KCNAB3: variants seen among roughly 807,000 people sequenced by gnomAD.
KCNAB3 encodes voltage-gated potassium channel subunit beta-3.
A neutral mutation model predicts 67.7 loss-of-function variants in KCNAB3; 62 were observed. That is an observed-to-expected ratio of 0.92 (90% CI 0.75 to 1.13). KCNAB3 has a LOEUF of 1.13. Ranked by LOEUF, KCNAB3 falls within the 50% of genes most tolerant of loss-of-function variation. KCNAB3 has a pLI of 0.00. For synonymous variants in KCNAB3, 212 were observed against 205.4 expected (o/e 1.03, Z -0.27); for missense variants, 514 against 522.9 (o/e 0.98, Z 0.17).
In KCNAB3 at chr17:7,929,303, C is replaced by T; in HGVS notation, c.133G>A (p.Gly45Arg). 6.4e-7 allele frequency: 1 copy of T among 1,567,364 alleles called. No homozygotes were observed. The highest frequency in any genetic ancestry group is 2.4e-5 in the East Asian group (1 of 41,906). ...PAGGGHGNPP[G>R]GGGSGPKARA... Reference sequence around the variant, plus strand: ...GCCTTGGGGCCAGACCCTCCACCCCCCGGAGGATTCCCGTGCCCCCCGCCG... The same window carrying T: ...GCCTTGGGGCCAGACCCTCCACCCCTCGGAGGATTCCCGTGCCCCCCGCCG... Residue 45 changes from glycine (G) to arginine (R), a missense_variant, in exon 1 of 14, where the codon GGG (glycine) becomes AGG (arginine). Gly to Arg is a moderately radical substitution (Grantham distance 125). Transcript: ENST00000303790. This position sits in a 1 kb window ranked among gnomAD's most constrained non-coding sequence, Gnocchi z 5.7.
In KCNAB3 at chr17:7,927,782, C is replaced by G. The variant is rs776051168; in HGVS notation, c.286+1G>C. Reference sequence around the variant, plus strand: ...TTTCCTTAATCCCTATTCTGACTCACCTAGGCCAAGACAGGATACCCGAAG... The same window carrying G: ...TTTCCTTAATCCCTATTCTGACTCAGCTAGGCCAAGACAGGATACCCGAAG... On this transcript the variant is annotated splice_donor_variant, in intron 2 of 13. Transcript: ENST00000303790. LOFTEE classifies it high-confidence loss of function. 1 of 1,614,172 alleles carries G rather than the reference C, an allele frequency of 6.2e-7. No homozygotes were observed. The highest frequency in any genetic ancestry group is 8.5e-7 in the Non-Finnish European group (1 of 1,180,032).
Position 7,923,506 on chromosome 17 carries a change from G to A in KCNAB3, c.1087C>T (p.Leu363=), listed in dbSNP as rs1389107348. Reference sequence around the variant, plus strand: ...AACTGCTCCGCACTCGACACCCCCAGCAAGACAGAGCTGACACCCTCACTG... The same window carrying A: ...AACTGCTCCGCACTCGACACCCCCAACAAGACAGAGCTGACACCCTCACTG... ...LRSEGVSSVL[L]GVSSAEQLIE... is the part of the protein sequence containing the mutation. Residue 363 remains leucine (L), a synonymous_variant, in exon 13 of 14, where the codon CTG becomes TTG. Transcript: ENST00000303790. 1 of 1,612,620 alleles carries A rather than the reference G, an allele frequency of 6.2e-7. No individual in the cohort carries two copies. The highest frequency in any genetic ancestry group is 2.2e-5 in the East Asian group (1 of 44,732).
rs751597153 is a variant in KCNAB3 at position 7,923,478 on chromosome 17, A to G, written c.1115T>C (p.Ile372Thr). ...LLGVSSAEQLIEHLGALQVLS... is the reference protein window; with the variant it reads ...LLGVSSAEQLTEHLGALQVLS... ...CACCTGTAGCGCGCCCAGGTGTTCT[A>G]TCAACTGCTCCGCACTCGACACCCC... is the stretch of plus-strand genomic sequence containing the variant. Residue 372 changes from isoleucine to threonine, a missense_variant, in exon 13 of 14, where the codon ATA (isoleucine) becomes ACA (threonine). Physicochemically the swap from Ile to Thr is moderately conservative, Grantham distance 89. Coordinates refer to ENST00000303790, the MANE Select transcript of KCNAB3 (RefSeq NM_004732.4). 1.9e-6 allele frequency: 3 copies of G among 1,611,966 alleles called. No homozygotes were observed. The highest frequency in any genetic ancestry group is 2.2e-5 in the East Asian group (1 of 44,724).
intron 3 of KCNAB3, 54 bp from the exon 4 acceptor site, chr17:7,927,477 A>G (rs928749119): frequency 1.3e-6 from 2 of 1,563,952 alleles, no homozygotes; most frequent in African/African-American, 2.7e-5. Flanking sequence ...TACCTCCCTC[A>G]CTGTACTCTA....
rs774627044 is a variant in KCNAB3, at chr17:7,926,114, CAT to C, written c.405-13_405-12del. ...AGGGTTCTTTCAGCCCTAAAAGAAA[CAT>C]AAGGCAGAGCCACTGATCCCTTCTA... On this transcript the variant is annotated splice_polypyrimidine_tract_variant and intron_variant, in intron 4 of 13. Transcript: ENST00000303790. 1.2e-6 allele frequency: 2 copies of C among 1,613,980 alleles called. No homozygotes were observed. Among genetic ancestry groups the C allele is most frequent in the Non-Finnish European group, 1.7e-6 (2 of 1,180,002 alleles).
At chr17:7,923,203 G>T in intron 13 of KCNAB3, 24 bp from the exon 14 acceptor site, 1 of 1,608,724 alleles carries the variant, frequency 6.2e-7, no homozygotes, top group Non-Finnish European at 8.5e-7. Flanking sequence ...GGACGGTGGC[G>T]ACGGCAGCCC....
chr17:7,929,804 AAC>A lies in KCNAB3; in HGVS notation c.-371_-370del. Reference sequence around the variant, plus strand: ...GGGAGAGAGATGCCACTTCAGCGCGAACCGCTGCGGGACCCGCTGGGCTCCCA... The same window carrying A: ...GGGAGAGAGATGCCACTTCAGCGCGACGCTGCGGGACCCGCTGGGCTCCCA... On this transcript the variant is annotated 5_prime_UTR_variant, in exon 1 of 14. Coordinates refer to ENST00000303790, the MANE Select transcript of KCNAB3 (RefSeq NM_004732.4). The surrounding 1 kb of genome is among the most constrained non-coding windows in gnomAD (Gnocchi z 5.7). The A allele has an allele frequency of 1.8e-6, 2 of 1,100,890 alleles. No homozygotes were observed. Among genetic ancestry groups the A allele is most frequent in the South Asian group, 2.3e-5 (1 of 42,656 alleles). 68.2% of individuals were successfully genotyped at this position (1,100,890 alleles called of 1,614,324 possible). A position where few individuals can be genotyped will look rare whatever the true frequency, so the allele number is the denominator to read the frequency against.
At position 7,929,421 on chromosome 17, in the gene KCNAB3, G is replaced by A; in HGVS notation, c.15C>T (p.Ile5=). The part of the protein sequence containing the change: MQVS[I]ACTEQNLRSR... The stretch of plus-strand genomic sequence containing the variant: ...TGCGAAGGTTCTGCTCGGTACACGC[G>A]ATAGACACCTGCATGCTGGCTGGCC... The change falls in exon 1 of 14, where the codon ATC becomes ATT. Residue 5 remains isoleucine (I), a synonymous_variant. Coordinates refer to ENST00000303790, the MANE Select transcript of KCNAB3 (RefSeq NM_004732.4). The surrounding 1 kb of genome is among the most constrained non-coding windows in gnomAD (Gnocchi z 5.7). The A allele has an allele frequency of 1.9e-6, 3 of 1,547,268 alleles. No homozygotes were observed. Among genetic ancestry groups the A allele is most frequent in the African/African-American group, 1.4e-5 (1 of 73,012 alleles).
rs749190086 is a variant in KCNAB3 at position 7,929,173 on chromosome 17, G to A, written c.242+21C>T. 10 of 1,610,424 alleles carry A rather than the reference G, an allele frequency of 6.2e-6. No individual in the cohort carries two copies. The Admixed American group carries it at 1.5e-4, about 24-fold the overall frequency. ...CCCGAAAGGAAAGCGGAAGGGGTGG[G>A]CTGCCCGGCCACCCCCATACCTGTA... On this transcript the variant is annotated intron_variant, in intron 1 of 13. Transcript: ENST00000303790. The surrounding 1 kb of genome is among the most constrained non-coding windows in gnomAD (Gnocchi z 5.7).
Position 7,927,822 on chromosome 17 carries a change from G to T in KCNAB3, c.247C>A (p.Leu83Ile), listed in dbSNP as rs753895913. 1 of 1,614,082 alleles carries T rather than the reference G, an allele frequency of 6.2e-7. No homozygotes were observed. The highest frequency in any genetic ancestry group is 1.1e-5 in the South Asian group (1 of 91,074). Residue 83 changes from leucine to isoleucine, a missense_variant, in exon 2 of 14, where the codon CTA (leucine) becomes ATA (isoleucine). Physicochemically the swap from Leu to Ile is conservative, Grantham distance 5. Coordinates refer to ENST00000303790, the MANE Select transcript of KCNAB3 (RefSeq NM_004732.4). ...GRGTGMKYRNLGKSGLRVSCL... is the reference protein window; with the variant it reads ...GRGTGMKYRNIGKSGLRVSCL... Reference sequence around the variant, plus strand: ...GATACCCGAAGACCAGACTTCCCTAGGTTCCTGCAAGATACAGAAGCAGCG... The same window carrying T: ...GATACCCGAAGACCAGACTTCCCTATGTTCCTGCAAGATACAGAAGCAGCG...
intron 8 of KCNAB3, 70 bp downstream of exon 8, chr17:7,925,027 T>G: frequency 2.6e-5 from 36 of 1,391,578 alleles, no homozygotes; most frequent in Non-Finnish European, 3.3e-5. Flanking sequence ...ATTACAGGAA[T>G]GAGCCACCGC....
rs1457172663 is a variant in KCNAB3 at position 7,923,465 on chromosome 17, G to A, written c.1128C>T (p.Gly376=). 1 of 1,610,044 alleles carries A rather than the reference G, an allele frequency of 6.2e-7. No homozygotes were observed. The highest frequency in any genetic ancestry group is 2.2e-5 in the East Asian group (1 of 44,518). ...SSAEQLIEHL[G]ALQVLSQLTP... is the part of the protein sequence containing the mutation. ...TGAGTCCCCGGCTCACCTGTAGCGC[G>A]CCCAGGTGTTCTATCAACTGCTCCG... The change falls in exon 13 of 14, where the codon GGC becomes GGT. Residue 376 remains glycine, a synonymous_variant. Coordinates refer to ENST00000303790, the MANE Select transcript of KCNAB3 (RefSeq NM_004732.4).
chr17:7,928,293 A>G (rs1205655377), intron 1 of KCNAB3: 1 of 204,362 alleles, frequency 4.9e-6, no homozygotes, highest in Non-Finnish European at 1.0e-5. Context: ...TCAGACAGAC[A>G]GGGGTCCCTG....
rs1346530691 is a variant in KCNAB3, at chr17:7,924,036, G to C, written c.859C>G (p.Leu287Val). 3.1e-6 allele frequency: 5 copies of C among 1,614,132 alleles called. No individual in the cohort carries two copies. The highest frequency in any genetic ancestry group is 1.7e-5 in the Admixed American group (1 of 60,022). The change falls in exon 11 of 14, where the codon CTA (leucine) becomes GTA (valine). Residue 287 changes from leucine to valine, a missense_variant. By Grantham distance (32) the Leu-to-Val change is conservative. Transcript: ENST00000303790. Reference sequence around the variant, plus strand: ...TTGCTAGTAATGAGACCACAGGCTAGAGGGTACCAAGTGACTGATCCAACT... The same window carrying C: ...TTGCTAGTAATGAGACCACAGGCTACAGGGTACCAAGTGACTGATCCAACT... ...IGVGSVTWYPLACGLITSKYD... is the reference protein window; with the variant it reads ...IGVGSVTWYPVACGLITSKYD...
At chr17:7,923,281 G>T in intron 13 of KCNAB3, 102 bp from the exon 14 acceptor site, 1 of 1,328,348 alleles carries the variant, frequency 7.5e-7, no homozygotes, top group Non-Finnish European at 1.1e-6. Context: ...GGGTCAAGTG[G>T]CAAGGCAAGA....
intron 4 of KCNAB3, 74 bp downstream of exon 4, chr17:7,927,270 G>GA (rs1972263350): frequency 7.2e-7 from 1 of 1,395,678 alleles, no homozygotes. Flanking sequence ...TCTTTAGAGG[G>GA]AAAACGAGAA....
At position 7,924,048 on chromosome 17, in the gene KCNAB3, T is replaced by G. The variant is rs1232072622; in HGVS notation, c.847A>C (p.Thr283Pro). The change falls in exon 11 of 14, where the codon ACT becomes CCT. Residue 283 changes from threonine to proline, a missense_variant. Coordinates refer to ENST00000303790, the MANE Select transcript of KCNAB3 (RefSeq NM_004732.4). ...AGACCACAGGCTAGAGGGTACCAAGTGACTGATCCAACTCCTAAGGGAAGA... is the reference window on the plus strand; with the variant it reads ...AGACCACAGGCTAGAGGGTACCAAGGGACTGATCCAACTCCTAAGGGAAGA... Reference protein sequence around the residue: ...LYHKIGVGSVTWYPLACGLIT... With the variant: ...LYHKIGVGSVPWYPLACGLIT... 6.2e-7 allele frequency: 1 copy of G among 1,613,932 alleles called. No individual in the cohort carries two copies. The highest frequency in any genetic ancestry group is 1.1e-5 in the South Asian group (1 of 91,078).
intron 7 of KCNAB3, 131 bp downstream of exon 7, chr17:7,925,542 AAAAAAAAAAG>A (rs1972197727): frequency 1.2e-5 from 9 of 763,294 alleles, no homozygotes; most frequent in African/African-American, 7.0e-5. Flanking sequence ...AAAAAAAAAA[AAAAAAAAAAG>A]AATTCAGACC....
chr17:7,929,299 C>T lies in KCNAB3; in HGVS notation c.137G>A (p.Gly46Asp), dbSNP rs1003437872. ...TCGGGCCTTGGGGCCAGACCCTCCA[C>T]CCCCCGGAGGATTCCCGTGCCCCCC... ...AGGGHGNPPGGGGSGPKARAA... is the reference protein window; with the variant it reads ...AGGGHGNPPGDGGSGPKARAA... The change falls in exon 1 of 14, where the codon GGT (glycine) becomes GAT (aspartate). Residue 46 changes from glycine to aspartate, a missense_variant. Transcript: ENST00000303790. This position sits in a 1 kb window ranked among gnomAD's most constrained non-coding sequence, Gnocchi z 5.7. 10 of 1,572,220 alleles carry T rather than the reference C, an allele frequency of 6.4e-6. No individual in the cohort carries two copies. Among genetic ancestry groups the T allele is most frequent in the Non-Finnish European group, 8.6e-6 (10 of 1,159,500 alleles).
Sources: allele counts gnomAD v4.1 joint callset, GRCh38; gene constraint gnomAD v4.1.1; non-coding constraint Gnocchi (gnomAD v3.1); transcripts MANE v1.5; gene names NCBI Gene and HGNC (gene_info 2026-07-23, HGNC 2026-07-21).